Variants in UBR1 observed in about 807,000 individuals in gnomAD.
The protein encoded by UBR1 is ubiquitin protein ligase E3 component n-recognin 1.
In UBR1, 102 loss-of-function variants were observed where a neutral mutation model predicts 242.1. The ratio of observed to expected loss-of-function variants is 0.42; its 90% CI spans 0.36 to 0.50. The LOEUF (loss-of-function observed/expected upper bound fraction) is 0.50. Among genes scored for constraint, UBR1 ranks in the 20% least tolerant of loss-of-function variants. UBR1 has a pLI of 0.01. For synonymous variants in UBR1, 675 were observed against 684.8 expected, an observed-to-expected ratio of 0.99 and a Z score of 0.22; for missense variants, 1,772 against 2,101.8, an observed-to-expected ratio of 0.84 and a Z score of 3.07.
intron 5 of UBR1, among the ~76,000 whole-genome samples, chr15:43,070,590 A>T (rs979391089): frequency 1.3e-5 from 2 of 152,138 alleles, no homozygotes; most frequent in African/African-American, 4.8e-5. Context: ...CTCCTGATAC[A>T]CTACTCTTTT....
intron 1 of UBR1, among the ~76,000 whole-genome samples, chr15:43,088,475 T>G (rs190312356): frequency 6.6e-6 from 1 of 152,208 alleles, no homozygotes; most frequent in Admixed American, 6.5e-5. Context: ...TTTTAAAATT[T>G]CAACACATTT....
At chr15:43,088,843 A>T (rs1188836021) in intron 1 of UBR1, among the ~76,000 whole-genome samples, 2 of 83,184 alleles carry the variant, frequency 2.4e-5, no homozygotes, top group African/African-American at 1.5e-4. Flanking sequence ...TGCAACTAAC[A>T]AAAAAAAAAA....
intron 3 of UBR1, among the ~76,000 whole-genome samples, chr15:43,079,632 A>T (rs2033951174): frequency 6.6e-6 from 1 of 152,108 alleles, no homozygotes. Flanking sequence ...TACAAAAAAA[A>T]TTAGCCGGGT....
chr15:42,990,268 T>G (rs2032534415), intron 33 of UBR1, 148 bp from the exon 34 acceptor site: 7 of 645,772 alleles, frequency 1.1e-5, no homozygotes, highest in Non-Finnish European at 1.9e-5. Flanking sequence ...AGCTTCCATC[T>G]CCCAGGCTCA....
intron 45 of UBR1, among the ~76,000 whole-genome samples, chr15:42,950,743 C>A (rs563968958): frequency 5.3e-5 from 8 of 152,316 alleles, no homozygotes; most frequent in African/African-American, 1.9e-4. Context: ...AACAGAATCA[C>A]ATCTCCTAGT....
intron 14 of UBR1, among the ~76,000 whole-genome samples, chr15:43,043,812 T>A (rs752613928): frequency 1.3e-5 from 2 of 152,188 alleles, no homozygotes; most frequent in Non-Finnish European, 2.9e-5. Context: ...TATTACTAAG[T>A]CTACCTCCAC....
At chr15:43,013,450 C>T (rs2032956377) in intron 29 of UBR1, among the ~76,000 whole-genome samples, 2 of 152,126 alleles carry the variant, frequency 1.3e-5, no homozygotes, top group Admixed American at 1.3e-4. Flanking sequence ...CTATCCATAC[C>T]TGTAGTTATA....
At chr15:43,059,978 A>T in intron 7 of UBR1, 74 bp downstream of exon 7, 1 of 1,579,508 alleles carries the variant, frequency 6.3e-7, no homozygotes, top group Non-Finnish European at 8.7e-7. Context: ...TCATCACTCA[A>T]ATTATTCTAC....
chr15:43,048,515 A>G, intron 12 of UBR1, 24 bp from the exon 13 acceptor site: 1 of 1,555,040 alleles, frequency 6.4e-7, no homozygotes. Flanking sequence ...AAAGAAAGAA[A>G]TATTTCATTT....
intron 29 of UBR1, chr15:43,011,941 T>C: frequency 2.2e-6 from 1 of 453,022 alleles, no homozygotes; most frequent in South Asian, 1.6e-5. Context: ...GAATCTACAT[T>C]ATAGGCCGGG....
intron 10 of UBR1, among the ~76,000 whole-genome samples, chr15:43,057,888 T>C (rs1361045868): frequency 2.6e-5 from 4 of 152,094 alleles, no homozygotes; most frequent in Admixed American, 2.6e-4. Context: ...TGTGAAAATA[T>C]TTATATAACG....
At chr15:43,075,300 C>A (rs553137745) in intron 3 of UBR1, among the ~76,000 whole-genome samples, 3 of 152,294 alleles carry the variant, frequency 2.0e-5, no homozygotes, top group African/African-American at 7.2e-5. Flanking sequence ...AATACTTCAT[C>A]ATAACAAAAA....
At chr15:42,971,006 T>G (rs769923413) in intron 39 of UBR1, among the ~76,000 whole-genome samples, 5 of 152,218 alleles carry the variant, frequency 3.3e-5, no homozygotes, top group Non-Finnish European at 5.9e-5. Flanking sequence ...TAAGCCACCA[T>G]GCCCAGCCCC....
At chr15:43,053,744 T>C (rs779647210) in intron 12 of UBR1, among the ~76,000 whole-genome samples, 11 of 152,046 alleles carry the variant, frequency 7.2e-5, no homozygotes, top group Non-Finnish European at 1.3e-4. Context: ...AGGCTTGCAC[T>C]GCTGTACCTG....
At chr15:42,995,148 T>C (rs1304367368) in intron 33 of UBR1, among the ~76,000 whole-genome samples, 1 of 152,200 alleles carries the variant, frequency 6.6e-6, no homozygotes, top group African/African-American at 2.4e-5. Context: ...AATGCCATGT[T>C]TGAGACCTCC....
intron 30 of UBR1, among the ~76,000 whole-genome samples, chr15:43,004,481 T>G (rs1029492386): frequency 2.0e-5 from 3 of 152,154 alleles, no homozygotes; most frequent in African/African-American, 4.8e-5. Context: ...CCTCCCTGCC[T>G]GATTCTCCTG....
intron 43 of UBR1, 32 bp downstream of exon 43, chr15:42,960,613 T>A (rs374551774): frequency 1.9e-5 from 30 of 1,608,894 alleles, no homozygotes; most frequent in Non-Finnish European, 2.6e-5. Flanking sequence ...AACTTGTGGA[T>A]GAGGGAGAAA....
At chr15:43,081,191 G>C (rs190833633) in intron 3 of UBR1, among the ~76,000 whole-genome samples, 8 of 152,094 alleles carry the variant, frequency 5.3e-5, no homozygotes, top group Non-Finnish European at 1.2e-4. Context: ...GGCTGAGGCG[G>C]GTGGATCACA....
chr15:42,956,432 GCC>G (rs1408583258), intron 44 of UBR1, among the ~76,000 whole-genome samples: 1 of 152,108 alleles, frequency 6.6e-6, no homozygotes, highest in Non-Finnish European at 1.5e-5. Context: ...TGATTCTCAC[GCC>G]TCAGCCTCCC....
Sources: gnomAD v4.1 joint callset for allele counts (sites outside exome capture counted in the v4.1 genomes callset) on GRCh38, gnomAD v4.1.1 for gene constraint, MANE v1.5 for transcripts, NCBI Gene and HGNC (gene_info 2026-07-23, HGNC 2026-07-21) for gene names.